The following GALNTL6 variants were observed in gnomAD, a reference collection of about 807,000 sequenced individuals.
The protein encoded by GALNTL6 is polypeptide N-acetylgalactosaminyltransferase like 6.
Under a neutral mutation model 73.7 loss-of-function variants are expected in GALNTL6, and 46 were observed. The observed-to-expected ratio is 0.62, with a 90% CI of 0.49 to 0.80. The LOEUF (loss-of-function observed/expected upper bound fraction) is 0.80. GALNTL6 is among the 30% of genes least tolerant of loss of function. The pLI is 0.00. For missense variants in GALNTL6, 604 were observed against 755.0 expected (o/e 0.80, Z 2.34); for synonymous variants, 259 against 263.7 (o/e 0.98, Z 0.17).
chr4:173,025,541 T>A lies in GALNTL6; in HGVS notation c.1638+3916T>A, dbSNP rs146642239. 3.2e-3 allele frequency among the ~76,000 whole-genome samples: 483 copies of A among 152,300 alleles called. 7 individuals are homozygous for A. Among genetic ancestry groups the A allele is most frequent in the African/African-American group, 0.011 (462 of 41,566 alleles). ...TTACCCCTGGGTTATTGCAATGGCT[T>A]CCTAAAGGGCTGCCCTGCTTCCTGT... is the stretch of plus-strand genomic sequence containing the variant. On this transcript the variant is annotated intron_variant, in intron 12 of 12. Coordinates refer to ENST00000506823, the MANE Select transcript of GALNTL6 (RefSeq NM_001034845.3).
chr4:172,840,445 G>A (rs1431828636), intron 7 of GALNTL6, among the ~76,000 whole-genome samples: 1 of 152,188 alleles, frequency 6.6e-6, no homozygotes, highest in Non-Finnish European at 1.5e-5. Flanking sequence ...ATTAGGACAA[G>A]CAAATCTGGA....
At chr4:171,857,104 A>G (rs528799804) in intron 2 of GALNTL6, among the ~76,000 whole-genome samples, 2 of 152,288 alleles carry the variant, frequency 1.3e-5, no homozygotes, top group South Asian at 2.1e-4. Flanking sequence ...ATTGCATATT[A>G]TAAATCTCCT....
chr4:172,494,939 C>T (rs949670454), intron 5 of GALNTL6, among the ~76,000 whole-genome samples: 2 of 152,174 alleles, frequency 1.3e-5, no homozygotes, highest in Non-Finnish European at 2.9e-5. Flanking sequence ...CACCCAGGAA[C>T]AATACTTTGC....
At chr4:173,005,726 A>T (rs1752249422) in intron 10 of GALNTL6, among the ~76,000 whole-genome samples, 1 of 152,172 alleles carries the variant, frequency 6.6e-6, no homozygotes, top group South Asian at 2.1e-4. Flanking sequence ...GAAGAGCTGG[A>T]TATTAATCTC....
chr4:172,593,296 A>G (rs568289993), intron 5 of GALNTL6, among the ~76,000 whole-genome samples: 190 of 152,344 alleles, frequency 1.2e-3, no homozygotes, highest in African/African-American at 3.9e-3. Context: ...CAGCTCCATC[A>G]TGAACACAGC....
intron 5 of GALNTL6, among the ~76,000 whole-genome samples, chr4:172,665,564 T>C (rs1731615014): frequency 6.6e-6 from 1 of 152,188 alleles, no homozygotes; most frequent in South Asian, 2.1e-4. Flanking sequence ...ATAGCCTCCA[T>C]TAGGGGATGG....
intron 5 of GALNTL6, among the ~76,000 whole-genome samples, chr4:172,543,275 A>G (rs776764827): frequency 1.3e-5 from 2 of 152,210 alleles, no homozygotes; most frequent in Non-Finnish European, 2.9e-5. Flanking sequence ...CCTCAAGAAG[A>G]CTTGACAGCA....
intron 10 of GALNTL6, among the ~76,000 whole-genome samples, chr4:172,976,225 C>A (rs1490817053): frequency 6.6e-6 from 1 of 151,992 alleles, no homozygotes; most frequent in Non-Finnish European, 1.5e-5. Context: ...TCACCACAAC[C>A]AAAATTACTA....
At chr4:172,315,924 G>C (rs1246268071) in intron 4 of GALNTL6, among the ~76,000 whole-genome samples, 4 of 151,876 alleles carry the variant, frequency 2.6e-5, no homozygotes, top group Non-Finnish European at 5.9e-5. Context: ...CAGGATGGGA[G>C]ACATAAGACA....
intron 2 of GALNTL6, among the ~76,000 whole-genome samples, chr4:172,083,631 C>G (rs529732363): frequency 5.9e-5 from 9 of 152,288 alleles, no homozygotes; most frequent in African/African-American, 2.2e-4. Context: ...TAATATTACT[C>G]AATATAGCAA....
intron 2 of GALNTL6, among the ~76,000 whole-genome samples, chr4:171,987,649 A>T (rs1163916365): frequency 6.6e-6 from 1 of 152,214 alleles, no homozygotes; most frequent in Admixed American, 6.5e-5. Context: ...AACACTGAGA[A>T]GTTATTTCCT....
intron 2 of GALNTL6, among the ~76,000 whole-genome samples, chr4:172,138,679 G>A (rs530056571): frequency 8.5e-4 from 126 of 148,948 alleles, no homozygotes; most frequent in Non-Finnish European, 1.7e-3. Context: ...ACAGGTGCCT[G>A]CCACCACGCC....
intron 10 of GALNTL6, among the ~76,000 whole-genome samples, chr4:172,992,636 T>A (rs969989606): frequency 1.3e-5 from 2 of 152,128 alleles, no homozygotes; most frequent in African/African-American, 2.4e-5. Flanking sequence ...CTGCTGCTTT[T>A]AATTTTTTAA....
chr4:172,672,026 G>A (rs568933210), intron 5 of GALNTL6, among the ~76,000 whole-genome samples: 1 of 152,082 alleles, frequency 6.6e-6, no homozygotes, highest in South Asian at 2.1e-4. Context: ...GAGTAGCTAG[G>A]AATAAAGACA....
intron 2 of GALNTL6, among the ~76,000 whole-genome samples, chr4:171,866,217 T>C (rs1040960577): frequency 6.6e-6 from 1 of 152,178 alleles, no homozygotes; most frequent in Non-Finnish European, 1.5e-5. Flanking sequence ...CTGTATTATA[T>C]AATGTCTTTC....
chr4:172,045,527 C>T (rs1180528659), intron 2 of GALNTL6, among the ~76,000 whole-genome samples: 1 of 151,812 alleles, frequency 6.6e-6, no homozygotes. Flanking sequence ...AAAATAATTT[C>T]ATGTTCAACA....
intron 8 of GALNTL6, among the ~76,000 whole-genome samples, chr4:172,892,336 G>A (rs1053526865): frequency 6.6e-6 from 1 of 152,192 alleles, no homozygotes; most frequent in East Asian, 1.9e-4. Flanking sequence ...TTCCCTTGAG[G>A]GTTTGACTGT....
At chr4:172,323,722 T>C (rs916107687) in intron 4 of GALNTL6, among the ~76,000 whole-genome samples, 4 of 152,156 alleles carry the variant, frequency 2.6e-5, no homozygotes, top group Admixed American at 2.6e-4. Context: ...AGAATTTAAC[T>C]ACCTGAACTG....
chr4:172,997,001 C>G (rs1751825499), intron 10 of GALNTL6, among the ~76,000 whole-genome samples: 1 of 152,140 alleles, frequency 6.6e-6, no homozygotes, highest in Non-Finnish European at 1.5e-5. Flanking sequence ...CTTCTTCAGT[C>G]TTGTATTTTG....
Sources: gnomAD v4.1 joint callset for allele counts (sites outside exome capture counted in the v4.1 genomes callset) on GRCh38, gnomAD v4.1.1 for gene constraint, MANE v1.5 for transcripts, NCBI Gene and HGNC (gene_info 2026-07-23, HGNC 2026-07-21) for gene names.